Variants in ABLIM2 observed in about 807,000 individuals in gnomAD.
ABLIM2 encodes the protein actin-binding LIM protein 2.
In ABLIM2, 53 loss-of-function variants were observed where a neutral mutation model predicts 97.7. That is an observed-to-expected ratio of 0.54 (90% CI 0.44 to 0.68). ABLIM2 has a LOEUF of 0.68. Ranked by LOEUF, ABLIM2 falls within the 30% of genes least tolerant of loss-of-function variation. The pLI is 0.00. For missense variants in ABLIM2, 835 were observed against 867.2 expected (o/e 0.96, Z 0.47); for synonymous variants, 361 against 345.8 (o/e 1.04, Z -0.49).
At chr4:8,050,495 C>G (rs936161909) in intron 8 of ABLIM2, among the ~76,000 whole-genome samples, 1 of 152,164 alleles carries the variant, frequency 6.6e-6, no homozygotes, top group African/African-American at 2.4e-5. Flanking sequence ...CTGGAGTCCC[C>G]CAGGAGCTGG....
rs12641470 is a variant in ABLIM2 at position 8,125,017 on chromosome 4, C to T, written c.11-18380G>A. Reference sequence around the variant, plus strand: ...ATGTGTAGATTCTCCCTCTGGGAGTCTTCTTTGTAAAAATGTCGATGCAGA... The same window carrying T: ...ATGTGTAGATTCTCCCTCTGGGAGTTTTCTTTGTAAAAATGTCGATGCAGA... On this transcript the variant is annotated intron_variant, in intron 1 of 20. Coordinates refer to ENST00000447017, the MANE Select transcript of ABLIM2 (RefSeq NM_001130083.2). The surrounding 1 kb of genome is among the most constrained non-coding windows in gnomAD (Gnocchi z 6.2). Among the ~76,000 whole-genome samples the T allele has an allele frequency of 0.05, 7,616 of 151,672 alleles. 242 individuals carry two copies. The highest frequency in any genetic ancestry group is 0.089 in the Admixed American group (1,353 of 15,262).
chr4:8,107,549 C>T (rs560125522), intron 1 of ABLIM2, among the ~76,000 whole-genome samples: 20 of 152,186 alleles, frequency 1.3e-4, no homozygotes, highest in Non-Finnish European at 2.5e-4. Flanking sequence ...ACACAGGACC[C>T]GGGCAGGACC....
chr4:8,010,534 G>C, intron 14 of ABLIM2: 1 of 985,928 alleles, frequency 1.0e-6, no homozygotes, highest in Non-Finnish European at 1.2e-6. Flanking sequence ...GGAAATTTGG[G>C]ATTGGGCTAC....
chr4:8,064,189 G>C (rs562985465), intron 6 of ABLIM2, among the ~76,000 whole-genome samples: 3 of 152,352 alleles, frequency 2.0e-5, no homozygotes, highest in Admixed American at 6.5e-5. Flanking sequence ...TTGCCTTGCT[G>C]AGAAACCCTT....
At chr4:8,089,936 T>G (rs1826236870) in intron 3 of ABLIM2, among the ~76,000 whole-genome samples, 1 of 152,112 alleles carries the variant, frequency 6.6e-6, no homozygotes, top group Non-Finnish European at 1.5e-5. Context: ...GCCTGCCAGA[T>G]GGAGCTCCCT....
intron 4 of ABLIM2, among the ~76,000 whole-genome samples, chr4:8,084,839 G>A (rs576059510): frequency 2.0e-5 from 3 of 152,212 alleles, no homozygotes; most frequent in Admixed American, 6.5e-5. Context: ...TCTTGCCCTC[G>A]GCACACAGTG....
In ABLIM2 at chr4:8,046,264, A is replaced by G. The variant is rs1579677473; in HGVS notation, c.823-1023T>C. Among the ~76,000 whole-genome samples, 1 of 148,772 alleles carries G rather than the reference A, an allele frequency of 6.7e-6. No individual in the cohort carries two copies. The highest frequency in any genetic ancestry group is 6.7e-5 in the Admixed American group (1 of 14,968). On this transcript the variant is annotated intron_variant, in intron 8 of 20. Coordinates refer to ENST00000447017, the MANE Select transcript of ABLIM2 (RefSeq NM_001130083.2). The surrounding 1 kb of genome is among the most constrained non-coding windows in gnomAD (Gnocchi z 4.4). The stretch of plus-strand genomic sequence containing the variant: ...CAGCCCCCTCCAGCCCTGCGGACAC[A>G]CTCCTTCTGTGGTCCCCACACCTCT...
Position 8,046,509 on chromosome 4 carries a change from C to T in ABLIM2, c.823-1268G>A, listed in dbSNP as rs1002099372. On this transcript the variant is annotated intron_variant, in intron 8 of 20. Transcript: ENST00000447017. This position sits in a 1 kb window ranked among gnomAD's most constrained non-coding sequence, Gnocchi z 4.4. ...AGCTCAGCCCTCACTCTCCCCACGG[C>T]CCCCACGTCCTCTGCTGCTTCGATG... 6.6e-6 allele frequency among the ~76,000 whole-genome samples: 1 copy of T among 152,168 alleles called. No individual in the cohort carries two copies. Among genetic ancestry groups the T allele is most frequent in the African/African-American group, 2.4e-5 (1 of 41,434 alleles).
intron 1 of ABLIM2, among the ~76,000 whole-genome samples, chr4:8,134,389 A>AGGCC (rs1011138856): frequency 6.6e-6 from 1 of 152,124 alleles, no homozygotes; most frequent in African/African-American, 2.4e-5. Flanking sequence ...GCACTCGCCC[A>AGGCC]GGCCGGAAAC....
chr4:8,062,300 G>T (rs1044460132), intron 6 of ABLIM2, among the ~76,000 whole-genome samples: 1 of 152,218 alleles, frequency 6.6e-6, no homozygotes, highest in East Asian at 1.9e-4. Flanking sequence ...CCTGGCACCT[G>T]GGCCACGTCA....
chr4:8,077,036 G>A (rs1816675325), intron 6 of ABLIM2, among the ~76,000 whole-genome samples: 1 of 151,486 alleles, frequency 6.6e-6, no homozygotes, highest in African/African-American at 2.4e-5. Context: ...TCCGAAGGGT[G>A]GGCTGCAGGA....
intron 14 of ABLIM2, chr4:8,010,841 G>C (rs972573256): frequency 6.5e-6 from 1 of 153,092 alleles, no homozygotes; most frequent in African/African-American, 2.4e-5. Flanking sequence ...CGGAGCCCTT[G>C]AGTGTGCAGC....
intron 3 of ABLIM2, among the ~76,000 whole-genome samples, chr4:8,094,097 A>C (rs1054141754): frequency 6.6e-6 from 1 of 152,208 alleles, no homozygotes; most frequent in Admixed American, 6.5e-5. Flanking sequence ...CAAAATACCC[A>C]ATCTACTGCT....
chr4:8,028,597 A>C (rs1381722215), intron 11 of ABLIM2, among the ~76,000 whole-genome samples: 4 of 152,062 alleles, frequency 2.6e-5, no homozygotes. Flanking sequence ...TCACTCATTC[A>C]CTCACTCACT....
rs1744034909 is a variant in ABLIM2 at position 7,986,308 on chromosome 4, C to T, written c.1681-1415G>A. Among the ~76,000 whole-genome samples, 1 of 152,112 alleles carries T rather than the reference C, an allele frequency of 6.6e-6. No individual in the cohort carries two copies. Among genetic ancestry groups the T allele is most frequent in the Admixed American group, 6.5e-5 (1 of 15,282 alleles). Reference sequence around the variant, plus strand: ...CTAGAGAGCACGAGAGCAGGAAGACCTCAGAGGGCACCGAGTCCAAAGCCC... The same window carrying T: ...CTAGAGAGCACGAGAGCAGGAAGACTTCAGAGGGCACCGAGTCCAAAGCCC... On this transcript the variant is annotated intron_variant, in intron 17 of 20. Coordinates refer to ENST00000447017, the MANE Select transcript of ABLIM2 (RefSeq NM_001130083.2). The surrounding 1 kb of genome is among the most constrained non-coding windows in gnomAD (Gnocchi z 4.3).
intron 1 of ABLIM2, among the ~76,000 whole-genome samples, chr4:8,126,875 G>C (rs1470387444): frequency 6.6e-6 from 1 of 152,010 alleles, no homozygotes; most frequent in East Asian, 1.9e-4. Flanking sequence ...AGACCCACCT[G>C]GGCAACAAAG....
At position 8,085,152 on chromosome 4, in the gene ABLIM2, A is replaced by T. The variant is rs985679285; in HGVS notation, c.454+3017T>A. On this transcript the variant is annotated intron_variant, in intron 4 of 20. Coordinates refer to ENST00000447017, the MANE Select transcript of ABLIM2 (RefSeq NM_001130083.2). This position sits in a 1 kb window ranked among gnomAD's most constrained non-coding sequence, Gnocchi z 6.1. ...TGCTTGGGGCAGCAGAGGGAAGCTC[A>T]GGGCCACGGGACTCAAGCTTGAGCT... Among the ~76,000 whole-genome samples, 14 of 152,028 alleles carry T rather than the reference A, an allele frequency of 9.2e-5. No homozygotes were observed. The highest frequency in any genetic ancestry group is 2.1e-4 in the Non-Finnish European group (14 of 67,984).
At chr4:8,133,799 G>A (rs1012292598) in intron 1 of ABLIM2, among the ~76,000 whole-genome samples, 1 of 152,228 alleles carries the variant, frequency 6.6e-6, no homozygotes, top group South Asian at 2.1e-4. Context: ...TCAACAGGGA[G>A]CTGGCCACCA....
chr4:8,101,761 A>G (rs542735589), intron 2 of ABLIM2, among the ~76,000 whole-genome samples: 1 of 152,326 alleles, frequency 6.6e-6, no homozygotes, highest in African/African-American at 2.4e-5. Context: ...CATTAACAAC[A>G]CATCACAGTT....
Sources: allele counts gnomAD v4.1 joint callset (sites outside exome capture counted in the v4.1 genomes callset), GRCh38; gene constraint gnomAD v4.1.1; non-coding constraint Gnocchi (gnomAD v3.1); transcripts MANE v1.5; gene names NCBI Gene and HGNC (gene_info 2026-07-23, HGNC 2026-07-21).